The following RABGEF1 variants were observed in gnomAD, a reference collection of about 807,000 sequenced individuals.
RABGEF1 encodes the protein RAB guanine nucleotide exchange factor 1, also known as rab5 GDP/GTP exchange factor.
In RABGEF1, 26 loss-of-function variants were observed where a neutral mutation model predicts 57.3. That is an observed-to-expected ratio of 0.45 (90% CI 0.33 to 0.63). RABGEF1 has a LOEUF of 0.63. RABGEF1 is among the 20% of genes least tolerant of loss of function. The probability of loss-of-function intolerance (pLI) is 0.02; values close to 1 mark genes in which losing one functional copy is unlikely to be tolerated. For synonymous variants in RABGEF1, 185 were observed against 210.7 expected (o/e 0.88, Z 1.06); for missense variants, 464 against 607.6 (o/e 0.76, Z 2.48).
Position 66,795,582 on chromosome 7 carries a change from T to C in RABGEF1, c.585T>C (p.Thr195=). The change falls in exon 5 of 9, where the codon ACT becomes ACC. Residue 195 remains threonine (T), a synonymous_variant. Transcript: ENST00000284957. ...FYHNVAERMQ[T]RGKVPPERVE... is the part of the protein sequence containing the mutation. ...ACAATGTGGCCGAAAGGATGCAAAC[T>C]CGTGGGAAAGGTAACACTGTTAGCC... The C allele has an allele frequency of 6.2e-7, 1 of 1,606,798 alleles. No individual in the cohort carries two copies. The highest frequency in any genetic ancestry group is 8.5e-7 in the Non-Finnish European group (1 of 1,173,334).
the RABGEF1 span, among the ~76,000 whole-genome samples, chr7:66,661,816 T>G: frequency 1.5e-4 from 23 of 152,310 alleles, no homozygotes; most frequent in Admixed American, 3.3e-4. Flanking sequence ...AGGCACTACA[T>G]GAAAACAACT....
At chr7:66,705,123 G>A (rs538964444) in intron 1 of RABGEF1, among the ~76,000 whole-genome samples, 27 of 151,806 alleles carry the variant, frequency 1.8e-4, no homozygotes, top group Non-Finnish European at 3.4e-4. Context: ...ATAGATGGCC[G>A]GGCGCGGTGG....
chr7:66,699,954 C>T (rs1166986462), intron 1 of RABGEF1, among the ~76,000 whole-genome samples: 1 of 152,212 alleles, frequency 6.6e-6, no homozygotes, highest in Non-Finnish European at 1.5e-5. Flanking sequence ...CAGATGGGAA[C>T]AGCAAATGTG....
chr7:66,696,870 C>T (rs1294477388), intron 1 of RABGEF1, among the ~76,000 whole-genome samples: 2 of 152,044 alleles, frequency 1.3e-5, no homozygotes, highest in African/African-American at 2.4e-5. Context: ...GCACAGATGA[C>T]AGGAGCAGGC....
chr7:66,692,978 G>C (rs558834353), intron 1 of RABGEF1, among the ~76,000 whole-genome samples: 2 of 152,238 alleles, frequency 1.3e-5, no homozygotes, highest in Admixed American at 6.5e-5. Context: ...GCCGGAAGGG[G>C]CTGGCACCTC....
chr7:66,751,113 C>T (rs969144827), intron 1 of RABGEF1, among the ~76,000 whole-genome samples: 3 of 151,824 alleles, frequency 2.0e-5, no homozygotes, highest in Non-Finnish European at 4.4e-5. Context: ...TCACTGCAAC[C>T]TCCACCTCCC....
upstream of RABGEF1, among the ~76,000 whole-genome samples, chr7:66,679,981 G>A (rs1789581926): frequency 6.6e-6 from 1 of 152,184 alleles, no homozygotes; most frequent in African/African-American, 2.4e-5. Context: ...GTTGGAGGCA[G>A]GAGTGTGCTG....
chr7:66,680,555 T>A (rs1488837995), upstream of RABGEF1, among the ~76,000 whole-genome samples: 1 of 151,538 alleles, frequency 6.6e-6, no homozygotes, highest in Non-Finnish European at 1.5e-5. Context: ...TACTTTTGTT[T>A]TATACTCTGT....
rs1584988930 is a variant in RABGEF1, at chr7:66,729,870, G to A, written c.-814-10126G>A. The stretch of plus-strand genomic sequence containing the variant: ...TGCATGGCAATGACAGCAAATGGCA[G>A]AGGTCTGTGCTGACTGGCTTGGCAC... On this transcript the variant is annotated intron_variant and NMD_transcript_variant, in intron 2 of 9. Transcript: ENST00000607882. 2.0e-5 allele frequency among the ~76,000 whole-genome samples: 3 copies of A among 152,274 alleles called. No individual in the cohort carries two copies. In the South Asian group the frequency reaches 6.2e-4, roughly 31 times the overall value.
At chr7:66,806,742 C>T (rs1440288097) in intron 8 of RABGEF1, among the ~76,000 whole-genome samples, 1 of 145,152 alleles carries the variant, frequency 6.9e-6, no homozygotes, top group African/African-American at 2.6e-5. Context: ...CTCCTGGGTT[C>T]AAGTGATTCT....
rs1024917847 is a variant in RABGEF1 at position 66,809,528 on chromosome 7, T to G, written c.*244T>G. On this transcript the variant is annotated 3_prime_UTR_variant, in exon 9 of 9. Transcript: ENST00000284957. ...TTGTGTGCAAATTTTGTCTCAATCT[T>G]TTTTCCCTCCATGATTTTCCTATGT... is the stretch of plus-strand genomic sequence containing the variant. 2.6e-6 allele frequency: 1 copy of G among 378,390 alleles called. No individual in the cohort carries two copies. The highest frequency in any genetic ancestry group is 2.1e-5 in the African/African-American group (1 of 48,314). 23.4% of individuals were successfully genotyped at this position (378,390 alleles called of 1,614,324 possible).
At chr7:66,659,710 T>G in the RABGEF1 span, among the ~76,000 whole-genome samples, 1 of 151,092 alleles carries the variant, frequency 6.6e-6, no homozygotes, top group Non-Finnish European at 1.5e-5. Flanking sequence ...AACCAGGAAG[T>G]TGAGGCTGCA....
chr7:66,732,571 C>G (rs1413115386), intron 2 of RABGEF1, among the ~76,000 whole-genome samples: 1 of 152,124 alleles, frequency 6.6e-6, no homozygotes, highest in African/African-American at 2.4e-5. Context: ...GGTGTCTCAT[C>G]TCAGCAGGTG....
intron 1 of RABGEF1, among the ~76,000 whole-genome samples, chr7:66,694,317 T>A (rs1584706323): frequency 6.6e-6 from 1 of 151,872 alleles, no homozygotes; most frequent in African/African-American, 2.4e-5. Flanking sequence ...CTTGGCAAGG[T>A]GGTTTGTGGA....
intron 2 of RABGEF1, 79 bp downstream of exon 2, chr7:66,772,157 T>C (rs1262204950): frequency 5.3e-5 from 62 of 1,176,766 alleles, no homozygotes; most frequent in Non-Finnish European, 6.7e-5. Context: ...ATACATTTTT[T>C]CACTTCTGCT....
the RABGEF1 span, among the ~76,000 whole-genome samples, chr7:66,657,557 C>T: frequency 6.6e-6 from 1 of 152,248 alleles, no homozygotes; most frequent in Admixed American, 6.5e-5. Context: ...AGTGGTGGCT[C>T]ATGCCAACAT....
chr7:66,725,159 C>T (rs1303571171), intron 2 of RABGEF1, among the ~76,000 whole-genome samples: 1 of 152,150 alleles, frequency 6.6e-6, no homozygotes, highest in Non-Finnish European at 1.5e-5. Flanking sequence ...TATTTTCCCA[C>T]TTCCTTACAT....
rs557331057 is a variant in RABGEF1, at chr7:66,779,287, T to C, written c.346+3894T>C. On this transcript the variant is annotated intron_variant, in intron 3 of 8. Transcript: ENST00000284957. Reference sequence around the variant, plus strand: ...GGGAGGCCGAGGCAGGTGGATCACCTAAGGTCGGGAGTTCGAGACCAGACT... The same window carrying C: ...GGGAGGCCGAGGCAGGTGGATCACCCAAGGTCGGGAGTTCGAGACCAGACT... 2.0e-5 allele frequency among the ~76,000 whole-genome samples: 3 copies of C among 151,666 alleles called. No individual in the cohort carries two copies. In the East Asian group the frequency reaches 5.8e-4, roughly 29 times the overall value.
At chr7:66,802,463 A>T (rs1286733283) in intron 7 of RABGEF1, among the ~76,000 whole-genome samples, 1 of 152,232 alleles carries the variant, frequency 6.6e-6, no homozygotes, top group Non-Finnish European at 1.5e-5. Context: ...ATTCATGTGA[A>T]GGCAGAGCCC....
Sources: gnomAD v4.1 joint callset for allele counts (sites outside exome capture counted in the v4.1 genomes callset) on GRCh38, gnomAD v4.1.1 for gene constraint, MANE v1.5 for transcripts, NCBI Gene and HGNC (gene_info 2026-07-23, HGNC 2026-07-21) for gene names.